ELAVL2: variants seen among roughly 807,000 people sequenced by gnomAD.
The protein encoded by ELAVL2 is ELAV like RNA binding protein 2.
In ELAVL2, 4 loss-of-function variants were observed where a neutral mutation model predicts 34.6. The ratio of observed to expected loss-of-function variants is 0.12; its 90% CI spans 0.06 to 0.26. The LOEUF is 0.26. ELAVL2 is among the 10% of genes least tolerant of loss of function. The pLI is 1.00. For synonymous variants in ELAVL2, 193 were observed against 154.8 expected (o/e 1.25, Z -1.83); for missense variants, 432 against 442.8 (o/e 0.98, Z 0.22).
In ELAVL2 at chr9:23,725,884, A is replaced by G. The variant is rs138269545; in HGVS notation, c.333+5138T>C. The stretch of plus-strand genomic sequence containing the variant: ...ATGAAAAGCTTTTTTTCCTCTCCTA[A>G]AAAGCAGGTAATGAAAATTCTCAGT... On this transcript the variant is annotated intron_variant, in intron 3 of 6. Transcript: ENST00000397312. Among the ~76,000 whole-genome samples, 3 of 152,262 alleles carry G rather than the reference A, an allele frequency of 2.0e-5. No individual in the cohort carries two copies. In the East Asian group the frequency reaches 5.8e-4, roughly 29 times the overall value.
chr9:23,748,700 G>A (rs1016321263), intron 2 of ELAVL2, among the ~76,000 whole-genome samples: 4 of 152,054 alleles, frequency 2.6e-5, no homozygotes, highest in Non-Finnish European at 5.9e-5. Flanking sequence ...TTTCTTTTAC[G>A]GGGAATGTGG....
At chr9:23,781,543 GTTCTAATTC>G (rs2059065686) in intron 1 of ELAVL2, among the ~76,000 whole-genome samples, 2 of 145,834 alleles carry the variant, frequency 1.4e-5, no homozygotes, top group South Asian at 4.3e-4. Context: ...TTGAAGATAG[GTTCTAATTC>G]TGTCACCAAC....
intron 1 of ELAVL2, among the ~76,000 whole-genome samples, chr9:23,794,285 G>T (rs977239231): frequency 6.6e-6 from 1 of 152,158 alleles, no homozygotes; most frequent in Non-Finnish European, 1.5e-5. Context: ...AACATTCAGG[G>T]ACTTCAGTGA....
intron 2 of ELAVL2, among the ~76,000 whole-genome samples, chr9:23,734,165 A>G (rs944982722): frequency 6.6e-5 from 10 of 152,210 alleles, no homozygotes; most frequent in African/African-American, 1.9e-4. Context: ...TGTTGGCACT[A>G]TAACAAAAGG....
intron 1 of ELAVL2, among the ~76,000 whole-genome samples, chr9:23,800,710 C>T (rs189879851): frequency 6.6e-6 from 1 of 152,258 alleles, no homozygotes; most frequent in East Asian, 1.9e-4. Flanking sequence ...ATTTGACTTA[C>T]TTAAAATAAC....
chr9:23,723,481 G>C (rs930004869), intron 3 of ELAVL2, among the ~76,000 whole-genome samples: 1 of 151,766 alleles, frequency 6.6e-6, no homozygotes, highest in African/African-American at 2.4e-5. Flanking sequence ...CAGTTAATGG[G>C]TGCAGCACAC....
chr9:23,718,627 C>T (rs2042904505), intron 3 of ELAVL2, among the ~76,000 whole-genome samples: 1 of 152,168 alleles, frequency 6.6e-6, no homozygotes, highest in African/African-American at 2.4e-5. Flanking sequence ...TAAAAGCCCT[C>T]CCCACAGAGC....
intron 2 of ELAVL2, among the ~76,000 whole-genome samples, chr9:23,734,260 T>C (rs1478942661): frequency 1.3e-5 from 2 of 152,192 alleles, no homozygotes; most frequent in Non-Finnish European, 2.9e-5. Flanking sequence ...ATATTAAGGG[T>C]ATCGCAGATG....
At chr9:23,710,729 A>C (rs1423425972) in intron 3 of ELAVL2, among the ~76,000 whole-genome samples, 1 of 152,208 alleles carries the variant, frequency 6.6e-6, no homozygotes. Flanking sequence ...ATTGCTGTTC[A>C]TATTTTTTAA....
At chr9:23,806,709 G>A (rs996137524) in intron 1 of ELAVL2, among the ~76,000 whole-genome samples, 1 of 152,084 alleles carries the variant, frequency 6.6e-6, no homozygotes, top group African/African-American at 2.4e-5. Flanking sequence ...AGCTTCCAAT[G>A]TAGTTGAAAG....
At chr9:23,768,646 G>A (rs982011745) in intron 1 of ELAVL2, among the ~76,000 whole-genome samples, 1 of 151,998 alleles carries the variant, frequency 6.6e-6, no homozygotes, top group African/African-American at 2.4e-5. Flanking sequence ...TATGGTAAAA[G>A]GAAACCATCT....
At chr9:23,783,364 G>A in intron 1 of ELAVL2, 2 of 796,244 alleles carry the variant, frequency 2.5e-6, no homozygotes, top group Non-Finnish European at 3.0e-6. Context: ...CTTAAATGGA[G>A]TAACTCCAAG....
intron 1 of ELAVL2, among the ~76,000 whole-genome samples, chr9:23,814,137 C>T (rs1035076730): frequency 2.0e-5 from 3 of 152,138 alleles, no homozygotes; most frequent in Non-Finnish European, 4.4e-5. Context: ...GCAATCAAAA[C>T]ACCTATAGGC....
At chr9:23,848,158 T>A in the ELAVL2 span, among the ~76,000 whole-genome samples, 1 of 152,100 alleles carries the variant, frequency 6.6e-6, no homozygotes, top group African/African-American at 2.4e-5. Context: ...CCAGGTAGTG[T>A]TAGTATAGTT....
chr9:23,804,123 G>A (rs943438409), intron 1 of ELAVL2, among the ~76,000 whole-genome samples: 1 of 151,742 alleles, frequency 6.6e-6, no homozygotes, highest in African/African-American at 2.4e-5. Flanking sequence ...TATATTTGAT[G>A]CAAAAAGATA....
At chr9:23,837,135 G>T in the ELAVL2 span, among the ~76,000 whole-genome samples, 1 of 152,156 alleles carries the variant, frequency 6.6e-6, no homozygotes, top group Non-Finnish European at 1.5e-5. Context: ...CACTGGGAAA[G>T]AGATAGGGCT....
chr9:23,717,643 C>A (rs1371068624), intron 3 of ELAVL2, among the ~76,000 whole-genome samples: 1 of 152,118 alleles, frequency 6.6e-6, no homozygotes, highest in African/African-American at 2.4e-5. Flanking sequence ...ACCATCAACT[C>A]TGAAATCAAC....
chr9:23,771,416 G>A (rs920018286), intron 1 of ELAVL2, among the ~76,000 whole-genome samples: 24 of 151,596 alleles, frequency 1.6e-4, no homozygotes, highest in South Asian at 1.5e-3. Context: ...AGAAAATAAG[G>A]ATATATATAT....
At chr9:23,692,994 C>T (rs1338959745) in intron 6 of ELAVL2, 110 bp from the exon 7 acceptor site, 5 of 968,942 alleles carry the variant, frequency 5.2e-6, no homozygotes, top group African/African-American at 3.3e-5. Flanking sequence ...AGTAACTCTC[C>T]TCCCCCAACA....
Sources: gnomAD v4.1 joint callset for allele counts (sites outside exome capture counted in the v4.1 genomes callset) on GRCh38, gnomAD v4.1.1 for gene constraint, MANE v1.5 for transcripts, NCBI Gene and HGNC (gene_info 2026-07-23, HGNC 2026-07-21) for gene names.